The following SEMA5B variants were observed in gnomAD, a reference collection of about 807,000 sequenced individuals.
SEMA5B encodes semaphorin 5B.
A neutral mutation model predicts 135.0 loss-of-function variants in SEMA5B; 66 were observed. That is an observed-to-expected ratio of 0.49 (90% CI 0.40 to 0.60). The LOEUF is 0.60. SEMA5B is among the 20% of genes least tolerant of loss of function. The probability of loss-of-function intolerance (pLI) is 0.00; values close to 1 mark genes in which losing one functional copy is unlikely to be tolerated. For missense variants in SEMA5B, 1,501 were observed against 1,566.3 expected, an observed-to-expected ratio of 0.96 and a Z score of 0.70; for synonymous variants, 690 against 639.5, an observed-to-expected ratio of 1.08 and a Z score of -1.19.
intron 2 of SEMA5B, among the ~76,000 whole-genome samples, chr3:122,956,709 G>C (rs1036344551): frequency 6.6e-6 from 1 of 152,120 alleles, no homozygotes; most frequent in Non-Finnish European, 1.5e-5. Flanking sequence ...ACCACCCCGG[G>C]GTGGGTAGCA....
intron 1 of SEMA5B, among the ~76,000 whole-genome samples, chr3:123,008,549 G>GA (rs1296450591): frequency 6.6e-6 from 1 of 152,180 alleles, no homozygotes. Context: ...GGAGGCAGAG[G>GA]AGAGAGTGAG....
At position 122,928,668 on chromosome 3, in the gene SEMA5B, G is replaced by A. The variant is rs867806604; in HGVS notation, c.538-53C>T. Reference sequence around the variant, plus strand: ...GCACAGCTCTCCAGGTGCGATGCTGGATATCTCACGCTCACACCACTGCGT... The same window carrying A: ...GCACAGCTCTCCAGGTGCGATGCTGAATATCTCACGCTCACACCACTGCGT... On this transcript the variant is annotated intron_variant, in intron 6 of 22. Coordinates refer to ENST00000357599, the MANE Select transcript of SEMA5B (RefSeq NM_001031702.4). The A allele has an allele frequency of 4.7e-6, 6 of 1,285,698 alleles. No individual in the cohort carries two copies. The East Asian group carries it at 7.6e-5, about 16-fold the overall frequency. The allele number at this position is 1,285,698 out of a possible 1,614,324, so 79.6% of individuals were successfully genotyped here.
In SEMA5B at chr3:122,963,499, A is replaced by AAAAAAG. The variant is rs1553778090; in HGVS notation, c.-38-2204_-38-2199dup. ...CAGAGCGAGTCTCTGACTCAAAAAA[A>AAAAAAG]AAAAAGAAAAAGAAAAAGAAAAAGA... On this transcript the variant is annotated intron_variant, in intron 1 of 22. Coordinates refer to ENST00000357599, the MANE Select transcript of SEMA5B (RefSeq NM_001031702.4). 1.8e-3 allele frequency among the ~76,000 whole-genome samples: 272 copies of AAAAAAG among 151,630 alleles called. 4 individuals are homozygous for AAAAAAG. Among genetic ancestry groups the AAAAAAG allele is most frequent in the Non-Finnish European group, 1.9e-3 (129 of 67,984 alleles).
At chr3:122,984,756 A>T (rs1274793037) in intron 1 of SEMA5B, among the ~76,000 whole-genome samples, 1 of 152,112 alleles carries the variant, frequency 6.6e-6, no homozygotes, top group East Asian at 1.9e-4. Flanking sequence ...AGTTCTACTT[A>T]AAAAAAAGTA....
intron 1 of SEMA5B, among the ~76,000 whole-genome samples, chr3:123,003,325 C>A (rs7621170): frequency 6.6e-6 from 1 of 152,078 alleles, no homozygotes; most frequent in Non-Finnish European, 1.5e-5. Context: ...AGTTCATCCA[C>A]TCAGTATTTA....
intron 3 of SEMA5B, among the ~76,000 whole-genome samples, chr3:122,947,783 G>T (rs1560344914): frequency 6.6e-6 from 1 of 152,214 alleles, no homozygotes; most frequent in Admixed American, 6.5e-5. Context: ...AGATCCCAGT[G>T]TGAGCTGCCA....
intron 2 of SEMA5B, among the ~76,000 whole-genome samples, chr3:122,954,838 G>C (rs1940211446): frequency 6.8e-6 from 1 of 148,118 alleles, no homozygotes; most frequent in South Asian, 2.1e-4. Flanking sequence ...TTGCCGCCTA[G>C]GCTGGAGTGC....
At chr3:122,958,212 C>A (rs1490239411) in intron 2 of SEMA5B, 1 of 152,264 alleles carries the variant, frequency 6.6e-6, no homozygotes, top group Non-Finnish European at 1.5e-5. Flanking sequence ...TTAGTCCCCA[C>A]CTCCAGCTCA....
intron 2 of SEMA5B, among the ~76,000 whole-genome samples, chr3:122,952,587 C>T (rs1229452068): frequency 5.3e-5 from 8 of 152,246 alleles, no homozygotes; most frequent in Non-Finnish European, 1.2e-4. Context: ...CTGGCAGACA[C>T]TGAGTGATCG....
At chr3:123,000,994 C>G (rs1942158489) in intron 1 of SEMA5B, among the ~76,000 whole-genome samples, 1 of 152,188 alleles carries the variant, frequency 6.6e-6, no homozygotes, top group African/African-American at 2.4e-5. Flanking sequence ...AGGGACTGCA[C>G]TAGATGGGGA....
chr3:122,966,560 A>ATTTTTTTTT lies in SEMA5B; in HGVS notation c.-38-5260_-38-5259insAAAAAAAAA, dbSNP rs1307061116. Among the ~76,000 whole-genome samples the ATTTTTTTTT allele has an allele frequency of 3.2e-4, 44 of 137,612 alleles. 1 individual carries two copies. Among genetic ancestry groups the ATTTTTTTTT allele is most frequent in the African/African-American group, 1.4e-3 (43 of 30,124 alleles). The allele number at this position is 137,612 out of a possible 152,430, so 90.3% of individuals were successfully genotyped here. On this transcript the variant is annotated intron_variant, in intron 1 of 22. Transcript: ENST00000357599. ...GTTTATTATTATTATTATTATTATT[A>ATTTTTTTTT]TTATTATTTTTTGAGACGGAGTCTC... is the stretch of plus-strand genomic sequence containing the variant.
At chr3:123,000,973 C>T (rs1266567346) in intron 1 of SEMA5B, among the ~76,000 whole-genome samples, 9 of 152,174 alleles carry the variant, frequency 5.9e-5, no homozygotes. Flanking sequence ...GAGGCTTGGC[C>T]TCGTTTTGCA....
At chr3:122,939,359 G>A (rs1170472794) in intron 5 of SEMA5B, 66 bp downstream of exon 5, 31 of 1,315,146 alleles carry the variant, frequency 2.4e-5, no homozygotes, top group South Asian at 9.4e-5. Context: ...CGCCACTTGC[G>A]TTGCCCTGCC....
chr3:122,921,231 C>T (rs1190173619), intron 12 of SEMA5B, among the ~76,000 whole-genome samples: 1 of 152,224 alleles, frequency 6.6e-6, no homozygotes, highest in South Asian at 2.1e-4. Flanking sequence ...GGCCATGCAG[C>T]CTGGGAGAGC....
At chr3:122,985,082 A>G (rs1418610095) in intron 1 of SEMA5B, among the ~76,000 whole-genome samples, 4 of 152,250 alleles carry the variant, frequency 2.6e-5, no homozygotes, top group African/African-American at 9.6e-5. Flanking sequence ...TCGTCTGCAT[A>G]TAATGATGCA....
intron 1 of SEMA5B, among the ~76,000 whole-genome samples, chr3:122,974,594 C>T (rs2107657017): frequency 6.6e-6 from 1 of 152,158 alleles, no homozygotes; most frequent in South Asian, 2.1e-4. Context: ...TGTCCAGGAG[C>T]TGAGCAGGCC....
Position 122,915,906 on chromosome 3 carries a change from C to T in SEMA5B, c.1689-16G>A. ...CAGGCATGCCCTGCCAGACAGACGT[C>T]CTGAGATTCAAGCCCACTGGCTTCC... On this transcript the variant is annotated splice_polypyrimidine_tract_variant and intron_variant, in intron 12 of 22. Transcript: ENST00000357599. The T allele has an allele frequency of 6.2e-7, 1 of 1,609,456 alleles. No individual in the cohort carries two copies. The highest frequency in any genetic ancestry group is 8.5e-7 in the Non-Finnish European group (1 of 1,175,972).
intron 3 of SEMA5B, among the ~76,000 whole-genome samples, chr3:122,944,304 C>A (rs190718007): frequency 2.6e-3 from 399 of 152,326 alleles, no homozygotes; most frequent in Non-Finnish European, 3.8e-3. Context: ...CTTCTGTTCT[C>A]CCTTGATGGA....
At chr3:122,953,338 A>G (rs1940140733) in intron 2 of SEMA5B, among the ~76,000 whole-genome samples, 1 of 152,158 alleles carries the variant, frequency 6.6e-6, no homozygotes. Context: ...CCTGAGCTCC[A>G]GGGGCCCGAA....
Sources: gnomAD v4.1 joint callset for allele counts (sites outside exome capture counted in the v4.1 genomes callset) on GRCh38, gnomAD v4.1.1 for gene constraint, MANE v1.5 for transcripts, NCBI Gene and HGNC (gene_info 2026-07-23, HGNC 2026-07-21) for gene names.